Variants in MAGI2 observed in about 807,000 individuals in gnomAD.
The protein encoded by MAGI2 is membrane-associated guanylate kinase, WW and PDZ domain-containing protein 2.
MAGI2 carries 35 observed loss-of-function variants against 133.3 expected under a neutral mutation model. The observed-to-expected ratio is 0.26, with a 90% CI of 0.20 to 0.35. The LOEUF (loss-of-function observed/expected upper bound fraction) is 0.35. Among genes scored for constraint, MAGI2 ranks in the 10% least tolerant of loss-of-function variants. The pLI is 1.00. For missense variants in MAGI2, 1,636 were observed against 1,863.4 expected, an observed-to-expected ratio of 0.88 and a Z score of 2.25; for synonymous variants, 729 against 710.6, an observed-to-expected ratio of 1.03 and a Z score of -0.41.
chr7:79,260,706 A>T (rs1834024728), intron 1 of MAGI2, among the ~76,000 whole-genome samples: 1 of 152,218 alleles, frequency 6.6e-6, no homozygotes, highest in Non-Finnish European at 1.5e-5. Context: ...GCACGAAAGT[A>T]TTTAAATTAT....
At chr7:78,315,639 T>C (rs1016462776) in intron 9 of MAGI2, among the ~76,000 whole-genome samples, 3 of 152,178 alleles carry the variant, frequency 2.0e-5, no homozygotes, top group Non-Finnish European at 2.9e-5. Flanking sequence ...TCTCAGCCAA[T>C]TAGATCAGAA....
intron 7 of MAGI2, among the ~76,000 whole-genome samples, chr7:78,352,674 GAGA>G (rs1285678617): frequency 1.3e-5 from 2 of 152,160 alleles, no homozygotes; most frequent in African/African-American, 4.8e-5. Context: ...ATGGCCAACT[GAGA>G]AGAATATCCA....
chr7:78,754,412 C>A (rs1823752941), intron 2 of MAGI2, among the ~76,000 whole-genome samples: 2 of 139,566 alleles, frequency 1.4e-5, no homozygotes, highest in African/African-American at 2.7e-5. Context: ...TAAATAAATG[C>A]TGAAAGTTAG....
intron 3 of MAGI2, among the ~76,000 whole-genome samples, chr7:78,535,907 G>A (rs1461701207): frequency 7.3e-6 from 1 of 137,204 alleles, no homozygotes; most frequent in Non-Finnish European, 1.5e-5. Context: ...CAACACTCAG[G>A]AACTGACTCA....
intron 2 of MAGI2, among the ~76,000 whole-genome samples, chr7:78,630,899 T>A (rs1414099801): frequency 2.0e-5 from 3 of 152,130 alleles, no homozygotes; most frequent in African/African-American, 7.2e-5. Flanking sequence ...CATGCTCCAG[T>A]CTGGACTCTC....
intron 1 of MAGI2, among the ~76,000 whole-genome samples, chr7:79,383,766 A>C (rs1843975718): frequency 6.6e-6 from 1 of 151,558 alleles, no homozygotes; most frequent in African/African-American, 2.4e-5. Context: ...TTATTTTGTC[A>C]GATAGCAAAA....
chr7:78,430,988 T>A (rs1418314027), intron 6 of MAGI2, among the ~76,000 whole-genome samples: 1 of 152,080 alleles, frequency 6.6e-6, no homozygotes, highest in African/African-American at 2.4e-5. Context: ...TGAGCATATA[T>A]TATTTAATTC....
At chr7:78,068,799 C>T (rs1019876661) in intron 21 of MAGI2, among the ~76,000 whole-genome samples, 1 of 152,174 alleles carries the variant, frequency 6.6e-6, no homozygotes, top group African/African-American at 2.4e-5. Context: ...ATTGGTTGGA[C>T]TTACCCTGGA....
At chr7:79,104,776 G>T (rs918361657) in intron 1 of MAGI2, among the ~76,000 whole-genome samples, 1 of 152,098 alleles carries the variant, frequency 6.6e-6, no homozygotes, top group South Asian at 2.1e-4. Context: ...AATGAGGAAA[G>T]GACCTTCTCC....
intron 1 of MAGI2, among the ~76,000 whole-genome samples, chr7:79,180,166 A>G (rs1447318072): frequency 1.3e-5 from 2 of 152,048 alleles, no homozygotes; most frequent in East Asian, 3.9e-4. Context: ...TGAAGAACAC[A>G]CAACATCATT....
intron 2 of MAGI2, among the ~76,000 whole-genome samples, chr7:78,673,452 G>A (rs1391537912): frequency 6.6e-6 from 1 of 151,994 alleles, no homozygotes; most frequent in Non-Finnish European, 1.5e-5. Flanking sequence ...CACAGTCCAA[G>A]TACCAACACC....
At chr7:78,861,176 G>C (rs891975615) in intron 2 of MAGI2, among the ~76,000 whole-genome samples, 1 of 152,146 alleles carries the variant, frequency 6.6e-6, no homozygotes, top group African/African-American at 2.4e-5. Flanking sequence ...GGAATTCCCC[G>C]ACCCCTTGCA....
At chr7:78,801,847 TCTC>T (rs1788085171) in intron 2 of MAGI2, among the ~76,000 whole-genome samples, 1 of 152,150 alleles carries the variant, frequency 6.6e-6, no homozygotes, top group Non-Finnish European at 1.5e-5. Context: ...TATTATCCCT[TCTC>T]CTCCTTTATC....
At chr7:79,138,283 C>A (rs902803366) in intron 1 of MAGI2, among the ~76,000 whole-genome samples, 11 of 152,110 alleles carry the variant, frequency 7.2e-5, no homozygotes, top group African/African-American at 1.9e-4. Context: ...CTGGATGGAA[C>A]CTACAGCTGC....
At chr7:78,843,579 G>T (rs1056610783) in intron 2 of MAGI2, among the ~76,000 whole-genome samples, 7 of 151,824 alleles carry the variant, frequency 4.6e-5, no homozygotes, top group African/African-American at 1.4e-4. Flanking sequence ...TATTTGGCTT[G>T]TCTGCATATG....
intron 2 of MAGI2, among the ~76,000 whole-genome samples, chr7:78,907,208 G>C (rs1222825219): frequency 6.6e-6 from 1 of 152,114 alleles, no homozygotes; most frequent in Non-Finnish European, 1.5e-5. Flanking sequence ...GAGACCCTTT[G>C]TTCCAAAAGA....
chr7:78,688,142 C>T (rs1475208276), intron 2 of MAGI2, among the ~76,000 whole-genome samples: 1 of 151,928 alleles, frequency 6.6e-6, no homozygotes, highest in Non-Finnish European at 1.5e-5. Context: ...GTTCATTTAG[C>T]CTCTTGATTG....
At chr7:78,648,293 A>G (rs1366178825) in intron 2 of MAGI2, among the ~76,000 whole-genome samples, 1 of 152,212 alleles carries the variant, frequency 6.6e-6, no homozygotes, top group Admixed American at 6.5e-5. Context: ...CCTTGTAACA[A>G]GGAAAAACCG....
intron 2 of MAGI2, among the ~76,000 whole-genome samples, chr7:78,799,856 G>A (rs1030877609): frequency 6.6e-6 from 1 of 152,024 alleles, no homozygotes; most frequent in Non-Finnish European, 1.5e-5. Flanking sequence ...TTTTTCCATA[G>A]AACATTTTTA....
Sources: allele counts gnomAD v4.1 joint callset (sites outside exome capture counted in the v4.1 genomes callset), GRCh38; gene constraint gnomAD v4.1.1; transcripts MANE v1.5; gene names NCBI Gene and HGNC (gene_info 2026-07-23, HGNC 2026-07-21).